Variants in TLL1 observed in about 807,000 individuals in gnomAD.
The protein encoded by TLL1 is tolloid like 1.
A neutral mutation model predicts 128.2 loss-of-function variants in TLL1; 49 were observed. The observed-to-expected ratio is 0.38, with a 90% confidence interval of 0.30 to 0.48. TLL1 has a LOEUF of 0.48. Among genes scored for constraint, TLL1 ranks in the 20% least tolerant of loss-of-function variants. The probability of loss-of-function intolerance (pLI) is 0.96; values close to 1 mark genes in which losing one functional copy is unlikely to be tolerated. For synonymous variants in TLL1, 454 were observed against 418.8 expected (o/e 1.08, Z -1.03); for missense variants, 1,123 against 1,242.0 (o/e 0.90, Z 1.44).
rs762479211 is a variant in TLL1 at position 165,994,478 on chromosome 4, G to A, written c.459G>A (p.Thr153=). Residue 153 remains threonine (T), a synonymous_variant, in exon 4 of 21, where the codon ACG becomes ACA. Transcript: ENST00000061240. ...TTCCCAGAGCCGCTACATCAAGAAC[G>A]GAAAGAATATGGCCTGGAGGCGTTA... is the stretch of plus-strand genomic sequence containing the variant. ...NRVPRAATSR[T]ERIWPGGVIP... 43 of 1,613,842 alleles carry A rather than the reference G, an allele frequency of 2.7e-5. No homozygotes were observed. The highest frequency in any genetic ancestry group is 3.5e-5 in the Non-Finnish European group (41 of 1,179,950).
chr4:165,887,121 G>T (rs1731195743), intron 1 of TLL1, among the ~76,000 whole-genome samples: 1 of 152,176 alleles, frequency 6.6e-6, no homozygotes, highest in African/African-American at 2.4e-5. Flanking sequence ...AGAGCCCAGG[G>T]TGTGACCTTG....
At chr4:165,998,797 CAA>C (rs965047713) in intron 5 of TLL1, among the ~76,000 whole-genome samples, 5 of 134,690 alleles carry the variant, frequency 3.7e-5, no homozygotes, top group Admixed American at 7.5e-5. Flanking sequence ...ACTCTGTCTT[CAA>C]AAAAAAAAAA....
chr4:165,973,739 C>G (rs1464511938), intron 1 of TLL1, among the ~76,000 whole-genome samples: 1 of 151,432 alleles, frequency 6.6e-6, no homozygotes, highest in Non-Finnish European at 1.5e-5. Flanking sequence ...AATCTCGGCT[C>G]ACTGCAATCT....
At chr4:165,928,864 A>C (rs1733387428) in intron 1 of TLL1, among the ~76,000 whole-genome samples, 1 of 152,232 alleles carries the variant, frequency 6.6e-6, no homozygotes, top group Admixed American at 6.5e-5. Flanking sequence ...GACAAGTTCA[A>C]GTACAACAAA....
rs200105665 is a variant in TLL1 at position 165,952,805 on chromosome 4, T to TA, written c.170-36569dup. ...TCAATGTTTTCAAAAGTCAAAAAAA[T>TA]AAAAAAATTTAAAGAAAAAATGTCA... On this transcript the variant is annotated intron_variant, in intron 1 of 20. Coordinates refer to ENST00000061240, the MANE Select transcript of TLL1 (RefSeq NM_012464.5). Among the ~76,000 whole-genome samples, 239 of 151,990 alleles carry TA rather than the reference T, an allele frequency of 1.6e-3. 1 individual carries two copies. The East Asian group carries it at 0.034, about 22-fold the overall frequency.
chr4:166,082,455 T>A (rs1042234938), intron 18 of TLL1, among the ~76,000 whole-genome samples: 1 of 152,190 alleles, frequency 6.6e-6, no homozygotes, highest in African/African-American at 2.4e-5. Context: ...GTAACTGTTA[T>A]CTAGTGTTAT....
chr4:166,020,585 T>C (rs1258564653), intron 8 of TLL1, among the ~76,000 whole-genome samples: 1 of 152,188 alleles, frequency 6.6e-6, no homozygotes. Context: ...TGACCTCCAC[T>C]TTACCCTACT....
chr4:165,897,033 G>GCCA (rs1731713989), intron 1 of TLL1, among the ~76,000 whole-genome samples: 1 of 151,908 alleles, frequency 6.6e-6, no homozygotes, highest in African/African-American at 2.4e-5. Flanking sequence ...ATGTTTCTTG[G>GCCA]CCACATAAAT....
intron 1 of TLL1, among the ~76,000 whole-genome samples, chr4:165,980,738 C>CT (rs1317111466): frequency 1.4e-4 from 21 of 152,120 alleles, no homozygotes; most frequent in African/African-American, 5.1e-4. Flanking sequence ...TTAAAATGGA[C>CT]TTTAAGTTGT....
chr4:165,957,087 C>A (rs957060043), intron 1 of TLL1, among the ~76,000 whole-genome samples: 1 of 152,084 alleles, frequency 6.6e-6, no homozygotes, highest in African/African-American at 2.4e-5. Flanking sequence ...TAAGACCCAA[C>A]CAATTGCTGT....
intron 1 of TLL1, among the ~76,000 whole-genome samples, chr4:165,981,282 G>A (rs1455900305): frequency 6.6e-6 from 1 of 151,980 alleles, no homozygotes; most frequent in Non-Finnish European, 1.5e-5. Flanking sequence ...ATGTTATATT[G>A]TTACAAGCAA....
At chr4:165,955,669 GT>G (rs1251620968) in intron 1 of TLL1, among the ~76,000 whole-genome samples, 1 of 152,072 alleles carries the variant, frequency 6.6e-6, no homozygotes, top group Non-Finnish European at 1.5e-5. Context: ...TCAACCAAGA[GT>G]TTCATATGCT....
At chr4:165,892,274 C>T (rs968589022) in intron 1 of TLL1, among the ~76,000 whole-genome samples, 1 of 152,200 alleles carries the variant, frequency 6.6e-6, no homozygotes, top group African/African-American at 2.4e-5. Flanking sequence ...GGGGACACAA[C>T]CAAACCATGT....
rs530063166 is a variant in TLL1, at chr4:166,085,201, C to T, written c.2443-5927C>T. Among the ~76,000 whole-genome samples, 7 of 149,926 alleles carry T rather than the reference C, an allele frequency of 4.7e-5. No homozygotes were observed. In the South Asian group the frequency reaches 6.3e-4, roughly 14 times the overall value. Reference sequence around the variant, plus strand: ...CTGGTGGAGTCTTCAGAGTTTTCTCCGCATGAGATTGTGTCTTCTGCAAAC... The same window carrying T: ...CTGGTGGAGTCTTCAGAGTTTTCTCTGCATGAGATTGTGTCTTCTGCAAAC... On this transcript the variant is annotated intron_variant, in intron 18 of 20. Coordinates refer to ENST00000061240, the MANE Select transcript of TLL1 (RefSeq NM_012464.5).
chr4:166,087,190 A>G (rs1741561245), intron 18 of TLL1, among the ~76,000 whole-genome samples: 1 of 152,188 alleles, frequency 6.6e-6, no homozygotes, highest in South Asian at 2.1e-4. Flanking sequence ...CAATAAGCTA[A>G]TGTGCTTCTA....
chr4:165,996,719 C>T (rs1446517781), intron 5 of TLL1, among the ~76,000 whole-genome samples: 1 of 151,952 alleles, frequency 6.6e-6, no homozygotes, highest in African/African-American at 2.4e-5. Context: ...GTGAGACTTT[C>T]AGGGGATATT....
Position 166,055,208 on chromosome 4 carries a change from T to C in TLL1, c.1657T>C (p.Trp553Arg). Residue 553 changes from tryptophan (W) to arginine (R), a missense_variant, in exon 13 of 21, where the codon TGG (tryptophan) becomes CGG (arginine). Transcript: ENST00000061240. ...CATAAGATCTACCTCCAATACTTTG[T>C]GGATGAAGTTTGTTTCTGACGGAAC... ...EDIRSTSNTL[W>R]MKFVSDGTVN... The C allele has an allele frequency of 6.2e-7, 1 of 1,613,730 alleles. No homozygotes were observed. The highest frequency in any genetic ancestry group is 8.5e-7 in the Non-Finnish European group (1 of 1,179,814).
At chr4:165,890,171 C>G (rs944140139) in intron 1 of TLL1, among the ~76,000 whole-genome samples, 3 of 152,100 alleles carry the variant, frequency 2.0e-5, no homozygotes, top group African/African-American at 7.2e-5. Context: ...GGTAACTGCC[C>G]CCATGATTCA....
At chr4:165,921,137 C>A (rs1311191742) in intron 1 of TLL1, among the ~76,000 whole-genome samples, 1 of 152,138 alleles carries the variant, frequency 6.6e-6, no homozygotes, top group African/African-American at 2.4e-5. Context: ...TCCTGCCTAC[C>A]CTCCTGGGTT....
Sources: gnomAD v4.1 joint callset for allele counts (sites outside exome capture counted in the v4.1 genomes callset) on GRCh38, gnomAD v4.1.1 for gene constraint, MANE v1.5 for transcripts, NCBI Gene and HGNC (gene_info 2026-07-23, HGNC 2026-07-21) for gene names.